Variants in GLIS3 observed in about 807,000 individuals in gnomAD.
The protein encoded by GLIS3 is zinc finger protein GLIS3.
In GLIS3, 53 loss-of-function variants were observed where a neutral mutation model predicts 78.6. That is an observed-to-expected ratio of 0.67 (90% CI 0.54 to 0.85). GLIS3 has a LOEUF of 0.85. GLIS3 is among the 40% of genes least tolerant of loss of function. GLIS3 has a pLI of 0.00. For synonymous variants in GLIS3, 684 were observed against 509.9 expected (o/e 1.34, Z -4.60); for missense variants, 1,703 against 1,231.1 (o/e 1.38, Z -5.74).
At chr9:4,239,329 A>AC (rs1422341576) in intron 2 of GLIS3, among the ~76,000 whole-genome samples, 3 of 151,524 alleles carry the variant, frequency 2.0e-5, no homozygotes, top group South Asian at 2.1e-4. Flanking sequence ...TAAAAAAAAA[A>AC]CCAAAAAAAA....
chr9:4,305,080 G>C (rs1817195439), intron 4 of GLIS3: 1 of 152,086 alleles, frequency 6.6e-6, no homozygotes, highest in Non-Finnish European at 1.5e-5. Context: ...GTAAGATCTA[G>C]CACAACTTCC....
At chr9:3,995,938 A>C (rs1292878119) in intron 4 of GLIS3, among the ~76,000 whole-genome samples, 1 of 152,152 alleles carries the variant, frequency 6.6e-6, no homozygotes, top group Non-Finnish European at 1.5e-5. Flanking sequence ...AAAAGACACA[A>C]TAATTTTAGG....
intron 6 of GLIS3, among the ~76,000 whole-genome samples, chr9:3,922,379 T>C (rs938911706): frequency 6.6e-6 from 1 of 152,218 alleles, no homozygotes; most frequent in Non-Finnish European, 1.5e-5. Flanking sequence ...GTAAAATATA[T>C]GCTAACATCT....
At chr9:4,261,433 G>C (rs567363303) in intron 2 of GLIS3, among the ~76,000 whole-genome samples, 29 of 152,184 alleles carry the variant, frequency 1.9e-4, no homozygotes, top group Middle Eastern at 3.2e-3. Context: ...GATGGTGAAA[G>C]TATGAATGGA....
chr9:3,834,478 G>A (rs1033976463), intron 9 of GLIS3, among the ~76,000 whole-genome samples: 1 of 151,978 alleles, frequency 6.6e-6, no homozygotes, highest in Non-Finnish European at 1.5e-5. Flanking sequence ...AAATTTTATT[G>A]AATTTTAATT....
Position 4,080,243 on chromosome 9 carries a change from T to C in GLIS3, c.1710+37525A>G, listed in dbSNP as rs12000762. Among the ~76,000 whole-genome samples the C allele has an allele frequency of 3.7e-3, 561 of 152,304 alleles. 3 individuals carry two copies. Among genetic ancestry groups the C allele is most frequent in the African/African-American group, 0.013 (538 of 41,558 alleles). On this transcript the variant is annotated intron_variant, in intron 4 of 10. Coordinates refer to ENST00000381971, the MANE Select transcript of GLIS3 (RefSeq NM_001042413.2). ...CCAGCATTCTTGCATTCGTAAGCAT[T>C]TCCTGAGCACCCACCATGTCTCAGG...
At chr9:4,348,469 G>T (rs1291060782), upstream of GLIS3, 1 of 152,200 alleles carries the variant, frequency 6.6e-6, no homozygotes, top group African/African-American at 2.4e-5. Flanking sequence ...CCCCCTTTAA[G>T]AAGTTTTTCT....
chr9:4,039,898 G>A (rs529320871), intron 4 of GLIS3, among the ~76,000 whole-genome samples: 32 of 152,326 alleles, frequency 2.1e-4, no homozygotes, highest in African/African-American at 7.7e-4. Context: ...GTATAAATTG[G>A]AGGATCGACA....
the GLIS3 span, among the ~76,000 whole-genome samples, chr9:4,436,268 G>A: frequency 3.3e-5 from 5 of 152,062 alleles, no homozygotes; most frequent in Admixed American, 1.3e-4. Context: ...GAAAAATGGT[G>A]TTATAGAAAA....
At chr9:3,945,296 A>G (rs1016757185) in intron 4 of GLIS3, among the ~76,000 whole-genome samples, 4 of 152,256 alleles carry the variant, frequency 2.6e-5, no homozygotes, top group Non-Finnish European at 5.9e-5. Flanking sequence ...TGAAATATAA[A>G]GCGTACAAAT....
At position 4,112,092 on chromosome 9, in the gene GLIS3, A is replaced by C. The variant is rs1188971054; in HGVS notation, c.1710+5676T>G. Among the ~76,000 whole-genome samples the C allele has an allele frequency of 2.0e-5, 3 of 152,280 alleles. No individual in the cohort carries two copies. In the South Asian group the frequency reaches 6.2e-4, roughly 32 times the overall value. On this transcript the variant is annotated intron_variant, in intron 4 of 10. Coordinates refer to ENST00000381971, the MANE Select transcript of GLIS3 (RefSeq NM_001042413.2). ...CTTTAAAAATGGGAACAGGGTGACA[A>C]ATTTGTCAGTTCCACTGCCAAATCA...
At chr9:4,476,901 G>C in the GLIS3 span, among the ~76,000 whole-genome samples, 2 of 152,132 alleles carry the variant, frequency 1.3e-5, no homozygotes, top group Non-Finnish European at 2.9e-5. Flanking sequence ...TTAAAAACTA[G>C]AAAATATAAT....
intron 2 of GLIS3, among the ~76,000 whole-genome samples, chr9:4,333,870 T>C (rs1817717959): frequency 6.6e-6 from 1 of 151,980 alleles, no homozygotes; most frequent in Non-Finnish European, 1.5e-5. Flanking sequence ...AAAGGTGCGA[T>C]TTCAGGCAAC....
intron 4 of GLIS3, among the ~76,000 whole-genome samples, chr9:4,051,321 T>C (rs868600660): frequency 6.6e-6 from 1 of 152,236 alleles, no homozygotes; most frequent in African/African-American, 2.4e-5. Flanking sequence ...GGGGCGGGGA[T>C]AGGGGGTTGC....
At chr9:4,026,106 T>C (rs969106918) in intron 4 of GLIS3, among the ~76,000 whole-genome samples, 5 of 152,228 alleles carry the variant, frequency 3.3e-5, no homozygotes, top group Admixed American at 2.6e-4. Flanking sequence ...CCTGAGACTA[T>C]ATGATTAGTC....
the GLIS3 span, among the ~76,000 whole-genome samples, chr9:4,443,012 C>T: frequency 6.6e-6 from 1 of 152,132 alleles, no homozygotes; most frequent in Non-Finnish European, 1.5e-5. Flanking sequence ...AGTCTGTGTC[C>T]TCCCACCTCC....
intron 2 of GLIS3, among the ~76,000 whole-genome samples, chr9:4,340,547 G>C (rs140659216): frequency 4.6e-5 from 7 of 152,142 alleles, no homozygotes; most frequent in African/African-American, 7.2e-5. Context: ...TTAAGCTTCT[G>C]TGTATTTGTG....
the GLIS3 span, among the ~76,000 whole-genome samples, chr9:4,469,179 T>G: frequency 0.012 from 1,882 of 152,170 alleles, 35 homozygotes; most frequent in African/African-American, 0.044. Flanking sequence ...TCCTACACAA[T>G]AATAATGGGA....
At chr9:4,307,692 C>G (rs1817264069) in intron 4 of GLIS3, among the ~76,000 whole-genome samples, 1 of 152,060 alleles carries the variant, frequency 6.6e-6, no homozygotes, top group African/African-American at 2.4e-5. Context: ...TGGAAGTGAG[C>G]CCTGGATTAT....
Sources: allele counts gnomAD v4.1 joint callset (sites outside exome capture counted in the v4.1 genomes callset), GRCh38; gene constraint gnomAD v4.1.1; transcripts MANE v1.5; gene names NCBI Gene and HGNC (gene_info 2026-07-23, HGNC 2026-07-21).